The following ANKRD30B variants were observed in gnomAD, a reference collection of about 807,000 sequenced individuals.
The protein encoded by ANKRD30B is ankyrin repeat domain-containing protein 30B.
Under a neutral mutation model 202.2 loss-of-function variants are expected in ANKRD30B, and 144 were observed. That is an observed-to-expected ratio of 0.71 (90% CI 0.62 to 0.82). The LOEUF (loss-of-function observed/expected upper bound fraction) is 0.82, where lower values mean the gene tolerates loss of function less well. Among genes scored for constraint, ANKRD30B ranks in the 40% least tolerant of loss-of-function variants. The pLI is 0.00. For synonymous variants in ANKRD30B, 508 were observed against 561.3 expected, an observed-to-expected ratio of 0.91 and a Z score of 1.34; for missense variants, 1,487 against 1,669.1, an observed-to-expected ratio of 0.89 and a Z score of 1.90.
chr18:14,760,624 A>G lies in ANKRD30B; in HGVS notation c.820+6A>G. On this transcript the variant is annotated splice_donor_region_variant and intron_variant, in intron 6 of 43. Transcript: ENST00000690538. ...TCCTCAAAATACCAATCCAGGTAAG[A>G]CTTCGGATAGCAAACTACTCTTGAT... 1 of 1,528,468 alleles carries G rather than the reference A, an allele frequency of 6.5e-7. No individual in the cohort carries two copies. The highest frequency in any genetic ancestry group is 8.8e-7 in the Non-Finnish European group (1 of 1,134,348). The allele number at this position is 1,528,468 out of a possible 1,614,324, so 94.7% of individuals were successfully genotyped here.
intron 1 of ANKRD30B, among the ~76,000 whole-genome samples, chr18:14,751,251 ATAAG>A (rs1913401798): frequency 6.6e-6 from 1 of 152,040 alleles, no homozygotes; most frequent in African/African-American, 2.4e-5. Flanking sequence ...AATGACAAAT[ATAAG>A]TGTTTTATTT....
chr18:14,810,622 G>C (rs1299135818), intron 28 of ANKRD30B, among the ~76,000 whole-genome samples: 1 of 150,966 alleles, frequency 6.6e-6, no homozygotes, highest in Non-Finnish European at 1.5e-5. Context: ...TTCTGATTAG[G>C]TGACTGAGTG....
At position 14,784,338 on chromosome 18, in the gene ANKRD30B, C is replaced by T. The variant is rs1394551774; in HGVS notation, c.1573C>T (p.Leu525Phe). The T allele has an allele frequency of 1.2e-6, 2 of 1,612,286 alleles. No individual in the cohort carries two copies. Among genetic ancestry groups the T allele is most frequent in the Non-Finnish European group, 1.7e-6 (2 of 1,178,986 alleles). Residue 525 changes from leucine (L) to phenylalanine (F), a missense_variant and splice_region_variant, in exon 13 of 44, where the codon CTT becomes TTT. Leu to Phe is a conservative substitution (Grantham distance 22). This residue lies in a region of ANKRD30B where 889 missense variants were observed against 841.4 expected (regional missense o/e 1.06). Coordinates refer to ENST00000690538, the MANE Select transcript of ANKRD30B (RefSeq NM_001367607.2). ...VMEINREVEE[L>F]PEKPSAFKPA... is the part of the protein sequence containing the mutation. Reference sequence around the variant, plus strand: ...GATAAATCTCTTTTGCATTTTAGAGCTTCCTGAGAAGCCATCTGCCTTCAA... The same window carrying T: ...GATAAATCTCTTTTGCATTTTAGAGTTTCCTGAGAAGCCATCTGCCTTCAA...
the ANKRD30B span, chr18:14,883,615 G>C: frequency 6.7e-6 from 1 of 149,268 alleles, no homozygotes; most frequent in Non-Finnish European, 1.5e-5. Context: ...ATGGCCCAGA[G>C]GAATTCCAGC....
intron 9 of ANKRD30B, among the ~76,000 whole-genome samples, chr18:14,774,443 G>C (rs986260049): frequency 1.3e-5 from 2 of 152,092 alleles, no homozygotes; most frequent in African/African-American, 4.8e-5. Flanking sequence ...GAGCATTGCT[G>C]TCTCAATTGT....
chr18:14,896,281 G>C, the ANKRD30B span, among the ~76,000 whole-genome samples: 2 of 151,998 alleles, frequency 1.3e-5, no homozygotes, highest in East Asian at 3.9e-4. Context: ...ACAGGCACCC[G>C]CCACCACGCC....
At chr18:14,795,687 GC>G (rs1160116224) in intron 16 of ANKRD30B, among the ~76,000 whole-genome samples, 1 of 152,144 alleles carries the variant, frequency 6.6e-6, no homozygotes, top group African/African-American at 2.4e-5. Context: ...AACATCCTCT[GC>G]AATGATAAGT....
rs1264045278 is a variant in ANKRD30B, at chr18:14,764,030, G to C, written c.1165G>C (p.Gly389Arg). Residue 389 changes from glycine (G) to arginine (R), a missense_variant, in exon 7 of 44, where the codon GGA becomes CGA. By Grantham distance (125) the Gly-to-Arg change is moderately radical. Around this residue, in one of 6 missense-constraint regions of ANKRD30B, gnomAD observed 889 missense variants for 841.4 expected, o/e 1.06. Coordinates refer to ENST00000690538, the MANE Select transcript of ANKRD30B (RefSeq NM_001367607.2). Reference protein sequence around the residue: ...TPNKTEVLEKGTSNMIACPTK... With the variant: ...TPNKTEVLEKRTSNMIACPTK... ...TAATAAAACTGAAGTTTTGGAAAAA[G>C]GAACATCTAATATGATTGCATGTCC... 6.4e-7 allele frequency: 1 copy of C among 1,570,870 alleles called. No homozygotes were observed. The highest frequency in any genetic ancestry group is 1.4e-5 in the African/African-American group (1 of 71,948).
At chr18:14,782,038 A>G (rs1967781375) in intron 11 of ANKRD30B, among the ~76,000 whole-genome samples, 2 of 152,232 alleles carry the variant, frequency 1.3e-5, no homozygotes, top group African/African-American at 4.8e-5. Context: ...GTTGCCTTCA[A>G]CCATATCCAT....
the ANKRD30B span, among the ~76,000 whole-genome samples, chr18:14,869,639 A>G: frequency 2.6e-5 from 4 of 151,918 alleles, no homozygotes; most frequent in African/African-American, 9.7e-5. Context: ...TTTGTCATTT[A>G]TTAAATTTTT....
rs188043452 is a variant in ANKRD30B at position 14,828,292 on chromosome 18, G to T, written c.2758G>T (p.Val920Leu). The T allele has an allele frequency of 2.0e-6, 3 of 1,533,308 alleles. No individual in the cohort carries two copies. Among genetic ancestry groups the T allele is most frequent in the Admixed American group, 4.3e-5 (2 of 46,300 alleles). The allele number at this position is 1,533,308 out of a possible 1,614,324, so 95.0% of individuals were successfully genotyped here. Residue 920 changes from valine (V) to leucine (L), a missense_variant, in exon 33 of 44, where the codon GTA becomes TTA. Transcript: ENST00000690538. The stretch of plus-strand genomic sequence containing the variant: ...TTCTTTAATAGAGGATGTGAGTTCT[G>T]TAGAGTCCACATTCAGGTAAGACTT... Reference protein sequence around the residue: ...ETFKAEDVSSVESTFSLFGKP... With the variant: ...ETFKAEDVSSLESTFSLFGKP...
chr18:14,910,817 A>T, the ANKRD30B span, among the ~76,000 whole-genome samples: 1 of 152,074 alleles, frequency 6.6e-6, no homozygotes, highest in African/African-American at 2.4e-5. Context: ...AGTAATAGCC[A>T]TTCTGATTGG....
the ANKRD30B span, among the ~76,000 whole-genome samples, chr18:14,902,220 A>G: frequency 5.3e-5 from 8 of 152,120 alleles, no homozygotes; most frequent in Admixed American, 3.9e-4. Context: ...CGGGAGTACA[A>G]TTCAAGAAGA....
intron 29 of ANKRD30B, 109 bp from the exon 30 acceptor site, chr18:14,814,512 A>G (rs201268819): frequency 0.16 from 54,913 of 341,946 alleles, 16,839 homozygotes; most frequent in South Asian, 0.22. Context: ...CGAATTCCTT[A>G]TAAAGTAGGA....
At chr18:14,819,407 T>C (rs1474187330) in intron 30 of ANKRD30B, among the ~76,000 whole-genome samples, 1 of 149,924 alleles carries the variant, frequency 6.7e-6, no homozygotes, top group African/African-American at 2.4e-5. Flanking sequence ...TTGCCATTGC[T>C]TTTGGTGTTT....
At chr18:14,904,456 G>C in the ANKRD30B span, among the ~76,000 whole-genome samples, 1 of 152,054 alleles carries the variant, frequency 6.6e-6, no homozygotes, top group Non-Finnish European at 1.5e-5. Context: ...AGGCACACAG[G>C]ATCTGAACTT....
the ANKRD30B span, among the ~76,000 whole-genome samples, chr18:14,920,520 C>T: frequency 2.0e-5 from 3 of 152,302 alleles, no homozygotes; most frequent in East Asian, 5.8e-4. Context: ...ATTCCCCAGT[C>T]TTAGGGATCT....
intron 11 of ANKRD30B, among the ~76,000 whole-genome samples, chr18:14,780,263 T>C (rs1967637807): frequency 6.6e-6 from 1 of 152,076 alleles, no homozygotes; most frequent in South Asian, 2.1e-4. Flanking sequence ...CTGGCTAATA[T>C]GGTGAAACCC....
At chr18:14,884,656 G>C in the ANKRD30B span, among the ~76,000 whole-genome samples, 2 of 152,112 alleles carry the variant, frequency 1.3e-5, no homozygotes, top group Non-Finnish European at 2.9e-5. Context: ...TGAAAACCAG[G>C]AAGTAAAAGG....
Sources: gnomAD v4.1 joint callset for allele counts (sites outside exome capture counted in the v4.1 genomes callset) on GRCh38, gnomAD v4.1.1 for gene constraint, gnomAD v4.1.1 regional missense constraint, MANE v1.5 for transcripts, NCBI Gene and HGNC (gene_info 2026-07-23, HGNC 2026-07-21) for gene names.